The following DOCK5 variants were observed in gnomAD, a reference collection of about 807,000 sequenced individuals.
The protein encoded by DOCK5 is dedicator of cytokinesis 5.
In DOCK5, 142 loss-of-function variants were observed where a neutral mutation model predicts 251.8. The ratio of observed to expected loss-of-function variants is 0.56; its 90% CI spans 0.49 to 0.65. DOCK5 has a LOEUF of 0.65. Ranked by LOEUF, DOCK5 falls within the 30% of genes least tolerant of loss-of-function variation. The pLI is 0.00. For synonymous variants in DOCK5, 842 were observed against 835.5 expected (o/e 1.01, Z -0.13); for missense variants, 2,111 against 2,312.3 (o/e 0.91, Z 1.79).
At chr8:25,378,835 A>G (rs1801011708) in intron 38 of DOCK5, among the ~76,000 whole-genome samples, 1 of 152,146 alleles carries the variant, frequency 6.6e-6, no homozygotes, top group African/African-American at 2.4e-5. Context: ...GGTTCTTTCT[A>G]TTTTCCATAA....
In DOCK5 at chr8:25,227,941, G is replaced by A. The variant is rs1802571854; in HGVS notation, c.44-15733G>A. 2.0e-5 allele frequency among the ~76,000 whole-genome samples: 3 copies of A among 152,276 alleles called. No homozygotes were observed. The South Asian group carries it at 6.2e-4, about 32-fold the overall frequency. On this transcript the variant is annotated intron_variant, in intron 1 of 51. Coordinates refer to ENST00000276440, the MANE Select transcript of DOCK5 (RefSeq NM_024940.8). ...TCTCTGTCACCCAGGCTGGAGTGCAGTGGCAGGATCATGGCCTACTGCAGC... is the reference window on the plus strand; with the variant it reads ...TCTCTGTCACCCAGGCTGGAGTGCAATGGCAGGATCATGGCCTACTGCAGC...
intron 1 of DOCK5, among the ~76,000 whole-genome samples, chr8:25,223,962 G>C (rs571808163): frequency 3.9e-5 from 6 of 152,212 alleles, no homozygotes; most frequent in African/African-American, 1.4e-4. Context: ...CAATTTCTCT[G>C]TTTTATTTAC....
At chr8:25,221,560 G>A (rs1802391320) in intron 1 of DOCK5, among the ~76,000 whole-genome samples, 1 of 152,152 alleles carries the variant, frequency 6.6e-6, no homozygotes, top group Admixed American at 6.5e-5. Context: ...GCCTGCCTTG[G>A]CCTCCCAAAG....
chr8:25,218,241 A>G (rs1802298717), intron 1 of DOCK5, among the ~76,000 whole-genome samples: 1 of 152,174 alleles, frequency 6.6e-6, no homozygotes, highest in South Asian at 2.1e-4. Context: ...TGACCTGATT[A>G]AGTGACAGGG....
At chr8:25,246,540 G>T (rs1803115582) in intron 2 of DOCK5, among the ~76,000 whole-genome samples, 2 of 152,184 alleles carry the variant, frequency 1.3e-5, no homozygotes, top group South Asian at 4.1e-4. Flanking sequence ...TGGCCTCCCA[G>T]TGTTGGGATT....
At position 25,345,566 on chromosome 8, in the gene DOCK5, G is replaced by A. The variant is rs752507034; in HGVS notation, c.2709G>A (p.Ser903=). The A allele has an allele frequency of 1.9e-5, 31 of 1,613,766 alleles. No homozygotes were observed. The highest frequency in any genetic ancestry group is 2.5e-5 in the Non-Finnish European group (29 of 1,179,884). Residue 903 remains serine, a synonymous_variant, in exon 26 of 52, where the codon TCG becomes TCA. Transcript: ENST00000276440. ...NSNKPDHEAS[S]QLLSNILEVL... ...ACAAGCCTGACCACGAGGCAAGCTCGCAGCTTCTGAGCAACATCCTGGAGG... is the reference window on the plus strand; with the variant it reads ...ACAAGCCTGACCACGAGGCAAGCTCACAGCTTCTGAGCAACATCCTGGAGG...
chr8:25,334,414 G>A (rs975979533), intron 21 of DOCK5, among the ~76,000 whole-genome samples: 7 of 152,136 alleles, frequency 4.6e-5, no homozygotes, highest in South Asian at 2.1e-4. Context: ...TGGATCAGGC[G>A]AAATTTCCTT....
At position 25,342,406 on chromosome 8, in the gene DOCK5, T is replaced by C. The variant is rs1391192810; in HGVS notation, c.2516T>C (p.Leu839Pro). ...LVFDPVELSV[L>P]FCKFIQSIPD... Reference sequence around the variant, plus strand: ...CCCTGAGGTTTCTCTCCCAGCGTGCTCTTCTGCAAATTCATTCAAAGCATT... The same window carrying C: ...CCCTGAGGTTTCTCTCCCAGCGTGCCCTTCTGCAAATTCATTCAAAGCATT... The change falls in exon 25 of 52, where the codon CTC becomes CCC. Residue 839 changes from leucine to proline, a missense_variant. Transcript: ENST00000276440. The C allele has an allele frequency of 6.3e-7, 1 of 1,589,462 alleles. No homozygotes were observed. The highest frequency in any genetic ancestry group is 8.6e-7 in the Non-Finnish European group (1 of 1,166,032).
intron 16 of DOCK5, among the ~76,000 whole-genome samples, chr8:25,323,392 T>C (rs1237370878): frequency 6.6e-6 from 1 of 152,184 alleles, no homozygotes; most frequent in Admixed American, 6.5e-5. Flanking sequence ...GGATTGGACT[T>C]TGGAAACCTC....
At chr8:25,279,672 C>T (rs1234475371) in intron 5 of DOCK5, among the ~76,000 whole-genome samples, 1 of 152,202 alleles carries the variant, frequency 6.6e-6, no homozygotes, top group African/African-American at 2.4e-5. Context: ...GGCTGGAGTG[C>T]AGTGACACCA....
chr8:25,238,950 T>G (rs532943180), intron 1 of DOCK5, among the ~76,000 whole-genome samples: 2 of 152,260 alleles, frequency 1.3e-5, no homozygotes, highest in African/African-American at 4.8e-5. Context: ...TGGCAGACAA[T>G]TACACAAGAT....
At chr8:25,370,298 G>A (rs1385934241) in intron 34 of DOCK5, among the ~76,000 whole-genome samples, 5 of 152,312 alleles carry the variant, frequency 3.3e-5, no homozygotes, top group African/African-American at 1.2e-4. Flanking sequence ...CCCTGTTTTC[G>A]CCACATATTA....
intron 27 of DOCK5, among the ~76,000 whole-genome samples, chr8:25,354,095 T>C (rs925457146): frequency 6.8e-6 from 1 of 148,070 alleles, no homozygotes; most frequent in Non-Finnish European, 1.5e-5. Context: ...AAATCACTTA[T>C]ATGTTTTATA....
chr8:25,395,446 G>A, intron 44 of DOCK5, 97 bp from the exon 45 acceptor site: 1 of 1,306,900 alleles, frequency 7.7e-7, no homozygotes, highest in South Asian at 1.3e-5. Flanking sequence ...ATAGCTTGTG[G>A]GCATTTTATA....
At chr8:25,217,774 C>A (rs1213588727) in intron 1 of DOCK5, among the ~76,000 whole-genome samples, 1 of 152,148 alleles carries the variant, frequency 6.6e-6, no homozygotes, top group Non-Finnish European at 1.5e-5. Flanking sequence ...AACATTGAAT[C>A]ATGTAGTGAG....
rs370748806 is a variant in DOCK5, at chr8:25,281,403, C to T, written c.321+2738C>T. 2.9e-3 allele frequency among the ~76,000 whole-genome samples: 420 copies of T among 146,688 alleles called. 2 individuals carry two copies. Among genetic ancestry groups the T allele is most frequent in the African/African-American group, 0.01 (409 of 39,442 alleles). On this transcript the variant is annotated intron_variant, in intron 5 of 51. Coordinates refer to ENST00000276440, the MANE Select transcript of DOCK5 (RefSeq NM_024940.8). ...GCAGTGAGCCAAGATCACACTGTTG[C>T]ACTTCAGCCTGGGGGAAAAGAGTGA...
At chr8:25,299,890 G>A (rs1245355599) in intron 8 of DOCK5, among the ~76,000 whole-genome samples, 1 of 152,102 alleles carries the variant, frequency 6.6e-6, no homozygotes, top group Non-Finnish European at 1.5e-5. Flanking sequence ...GTGGATTACA[G>A]GGGATAGATT....
intron 18 of DOCK5, 21 bp downstream of exon 18, chr8:25,325,568 G>C (rs1321621252): frequency 6.2e-7 from 1 of 1,609,790 alleles, no homozygotes; most frequent in African/African-American, 1.3e-5. Flanking sequence ...TGAATACACT[G>C]ACACAAATAA....
intron 5 of DOCK5, among the ~76,000 whole-genome samples, chr8:25,285,293 G>A (rs1389892152): frequency 3.9e-5 from 6 of 151,982 alleles, no homozygotes; most frequent in South Asian, 4.1e-4. Context: ...TTACAGGTGC[G>A]CATCACCACG....
Sources: gnomAD v4.1 joint callset for allele counts (sites outside exome capture counted in the v4.1 genomes callset) on GRCh38, gnomAD v4.1.1 for gene constraint, MANE v1.5 for transcripts, NCBI Gene and HGNC (gene_info 2026-07-23, HGNC 2026-07-21) for gene names.